The following SIL1 variants were observed in gnomAD, a reference collection of about 807,000 sequenced individuals.
The protein encoded by SIL1 is nucleotide exchange factor SIL1.
SIL1 carries 40 observed loss-of-function variants against 49.1 expected under a neutral mutation model. That is an observed-to-expected ratio of 0.81 (90% CI 0.63 to 1.06). The LOEUF is 1.06. Ranked by LOEUF, SIL1 falls within the 50% of genes least tolerant of loss-of-function variation. The pLI, the probability that SIL1 is intolerant of heterozygous loss-of-function variation, is 0.00. For missense variants in SIL1, 500 were observed against 572.6 expected, an observed-to-expected ratio of 0.87 and a Z score of 1.29; for synonymous variants, 253 against 250.8, an observed-to-expected ratio of 1.01 and a Z score of -0.08.
rs777778758 is a variant in SIL1 at position 139,042,722 on chromosome 5, G to A, written c.354-3C>T. 1.2e-6 allele frequency: 2 copies of A among 1,613,764 alleles called. No homozygotes were observed. Among genetic ancestry groups the A allele is most frequent in the African/African-American group, 1.3e-5 (1 of 74,860 alleles). On this transcript the variant is annotated splice_polypyrimidine_tract_variant and splice_region_variant and intron_variant, in intron 4 of 9. Coordinates refer to ENST00000394817, the MANE Select transcript of SIL1 (RefSeq NM_022464.5). ...AGGTGTTGGTGTTGATATCCAGCCT[G>A]TCCAAAGAAAACTGAGAGTAAAGAG...
At position 138,948,835 on chromosome 5, in the gene SIL1, G is replaced by A. The variant is rs1171778445; in HGVS notation, c.1030-1362C>T. 1.3e-5 allele frequency among the ~76,000 whole-genome samples: 2 copies of A among 152,184 alleles called. No homozygotes were observed. Among genetic ancestry groups the A allele is most frequent in the Non-Finnish European group, 2.9e-5 (2 of 68,034 alleles). The stretch of plus-strand genomic sequence containing the variant: ...AGGGCAGCGGGTTCCTTACGGGAGA[G>A]CGGTTGTTATTCTAGAGAGCAAGCC... On this transcript the variant is annotated intron_variant, in intron 9 of 9. Transcript: ENST00000394817. The surrounding 1 kb of genome is among the most constrained non-coding windows in gnomAD (Gnocchi z 4.8).
rs1466349544 is a variant in SIL1 at position 139,121,193 on chromosome 5, G to A, written c.106-20C>T. ...CTCCTTCTGAGAAAAGAAAACACAG[G>A]GCATGACCCACTGCAACTAGGCGCC... On this transcript the variant is annotated intron_variant, in intron 2 of 9. Transcript: ENST00000394817. The A allele has an allele frequency of 4.3e-6, 7 of 1,613,670 alleles. No homozygotes were observed. In the Admixed American group the frequency reaches 1.0e-4, roughly 23 times the overall value.
At chr5:139,098,331 A>G (rs772530533) in intron 3 of SIL1, among the ~76,000 whole-genome samples, 1 of 152,234 alleles carries the variant, frequency 6.6e-6, no homozygotes, top group Non-Finnish European at 1.5e-5. Context: ...TGCCAAGAAC[A>G]TACACTGGGG....
chr5:139,111,568 G>A (rs1479602687), intron 3 of SIL1, among the ~76,000 whole-genome samples: 2 of 152,118 alleles, frequency 1.3e-5, no homozygotes, highest in African/African-American at 4.8e-5. Flanking sequence ...AAGCCCAAGT[G>A]AGCAACCTCT....
chr5:139,067,196 A>G (rs552834082), intron 3 of SIL1, among the ~76,000 whole-genome samples: 1 of 152,336 alleles, frequency 6.6e-6, no homozygotes, highest in South Asian at 2.1e-4. Flanking sequence ...ATAAGGGGAA[A>G]ATAAACTTCT....
intron 3 of SIL1, among the ~76,000 whole-genome samples, chr5:139,058,673 G>C (rs1769513459): frequency 6.6e-6 from 1 of 152,064 alleles, no homozygotes; most frequent in African/African-American, 2.4e-5. Flanking sequence ...AGTGCCTTCA[G>C]GTTGGCTCTT....
At chr5:138,974,602 T>C (rs1767354037) in intron 7 of SIL1, among the ~76,000 whole-genome samples, 1 of 152,164 alleles carries the variant, frequency 6.6e-6, no homozygotes, top group African/African-American at 2.4e-5. Flanking sequence ...CAAACTTCTA[T>C]TTGTAGTTCA....
At chr5:139,129,996 T>C (rs1750828605) in intron 1 of SIL1, among the ~76,000 whole-genome samples, 1 of 152,212 alleles carries the variant, frequency 6.6e-6, no homozygotes, top group African/African-American at 2.4e-5. Flanking sequence ...TTGTCCAGAA[T>C]GTGTTGAGAA....
intron 1 of SIL1, among the ~76,000 whole-genome samples, chr5:139,128,956 G>A (rs1264507585): frequency 6.6e-6 from 1 of 152,284 alleles, no homozygotes; most frequent in Non-Finnish European, 1.5e-5. Context: ...AGACCAGCCT[G>A]GTCAACATGG....
chr5:139,051,374 G>A (rs539492209), intron 3 of SIL1, among the ~76,000 whole-genome samples: 7 of 152,294 alleles, frequency 4.6e-5, no homozygotes, highest in Non-Finnish European at 8.8e-5. Flanking sequence ...TTTGTGTTAC[G>A]TGCAGCAGGT....
At position 139,035,642 on chromosome 5, in the gene SIL1, C is replaced by CTTTT. The variant is rs759319838; in HGVS notation, c.453+6974_453+6977dup. 118 of 159,530 alleles carry CTTTT rather than the reference C, an allele frequency of 7.4e-4. 1 individual carries two copies. Among genetic ancestry groups the CTTTT allele is most frequent in the African/African-American group, 2.3e-3 (48 of 20,864 alleles). The allele number at this position is 159,530 out of a possible 1,614,324, so 9.9% of individuals were successfully genotyped here. A position where few individuals can be genotyped will look rare whatever the true frequency, so the allele number is the denominator to read the frequency against. On this transcript the variant is annotated intron_variant, in intron 5 of 9. Coordinates refer to ENST00000394817, the MANE Select transcript of SIL1 (RefSeq NM_022464.5). Reference sequence around the variant, plus strand: ...CCCTCCGTGCATCTCAGGTATACAACTTTTTTTTTTTTTTTTTTTTTTTTT... The same window carrying CTTTT: ...CCCTCCGTGCATCTCAGGTATACAACTTTTTTTTTTTTTTTTTTTTTTTTTTTTT...
intron 3 of SIL1, among the ~76,000 whole-genome samples, chr5:139,085,367 G>C (rs1770194902): frequency 6.6e-6 from 1 of 152,174 alleles, no homozygotes; most frequent in South Asian, 2.1e-4. Context: ...GGTTTCTTCA[G>C]GGAAAAATCT....
In SIL1 at chr5:138,973,151, A is replaced by T. The variant is rs1032369732; in HGVS notation, c.768-21267T>A. 1.1e-4 allele frequency among the ~76,000 whole-genome samples: 17 copies of T among 149,300 alleles called. No homozygotes were observed. The East Asian group carries it at 3.4e-3, about 30-fold the overall frequency. ...TATACAATTAAAGGTTGTGTAACAT[A>T]TGTAACAAACCTGCGCGTTGTGCAC... On this transcript the variant is annotated intron_variant, in intron 7 of 9. Coordinates refer to ENST00000394817, the MANE Select transcript of SIL1 (RefSeq NM_022464.5).
chr5:139,193,367 C>T, intron 1 of SIL1, among the ~76,000 whole-genome samples: 1 of 152,160 alleles, frequency 6.6e-6, no homozygotes, highest in Non-Finnish European at 1.5e-5. Context: ...AGTTCAAGAC[C>T]AGCCTGGCCA....
At chr5:139,078,098 C>A (rs1369361573) in intron 3 of SIL1, among the ~76,000 whole-genome samples, 1 of 152,144 alleles carries the variant, frequency 6.6e-6, no homozygotes, top group Non-Finnish European at 1.5e-5. Context: ...GGTACACAAA[C>A]AATATTTGGT....
chr5:139,006,545 T>C (rs1267571522), intron 7 of SIL1, among the ~76,000 whole-genome samples: 1 of 149,494 alleles, frequency 6.7e-6, no homozygotes, highest in Non-Finnish European at 1.5e-5. Flanking sequence ...ATGTCCTGAA[T>C]GGTAATGCCT....
At chr5:139,096,886 T>C (rs1033259845) in intron 3 of SIL1, among the ~76,000 whole-genome samples, 1 of 151,938 alleles carries the variant, frequency 6.6e-6, no homozygotes, top group Non-Finnish European at 1.5e-5. Flanking sequence ...AGCAGGGCCC[T>C]GGGGTCCCAG....
intron 3 of SIL1, among the ~76,000 whole-genome samples, chr5:139,065,733 G>A (rs923456841): frequency 3.3e-5 from 5 of 152,060 alleles, no homozygotes; most frequent in African/African-American, 1.2e-4. Context: ...CCCAATCCTG[G>A]GCAACTAATG....
chr5:139,016,465 T>C (rs1307014951), intron 7 of SIL1, among the ~76,000 whole-genome samples: 1 of 152,000 alleles, frequency 6.6e-6, no homozygotes, highest in African/African-American at 2.4e-5. Context: ...CAGGAATAGA[T>C]AGTACCATTA....
Sources: gnomAD v4.1 joint callset for allele counts (sites outside exome capture counted in the v4.1 genomes callset) on GRCh38, gnomAD v4.1.1 for gene constraint, Gnocchi (gnomAD v3.1) non-coding constraint, MANE v1.5 for transcripts, NCBI Gene and HGNC (gene_info 2026-07-23, HGNC 2026-07-21) for gene names.